The following CRYBA4 variants were observed in gnomAD, a reference collection of about 807,000 sequenced individuals.
CRYBA4 encodes the protein crystallin beta A4.
In CRYBA4, 30 loss-of-function variants were observed where a neutral mutation model predicts 31.7. The observed-to-expected ratio is 0.95, with a 90% CI of 0.71 to 1.28. CRYBA4 has a LOEUF of 1.28. Among genes scored for constraint, CRYBA4 ranks in the 50% most tolerant of loss-of-function variants. The pLI is 0.00. For missense variants in CRYBA4, 225 were observed against 260.7 expected, an observed-to-expected ratio of 0.86 and a Z score of 0.94; for synonymous variants, 102 against 102.3, an observed-to-expected ratio of 1.00 and a Z score of 0.02.
intron 5 of CRYBA4, among the ~76,000 whole-genome samples, chr22:26,629,734 C>CAAAAAAACA: frequency 1.2e-5 from 1 of 80,600 alleles, no homozygotes; most frequent in Non-Finnish European, 2.6e-5. Context: ...GACTCTGTCT[C>CAAAAAAACA]AAAAAAAAAA....
At chr22:26,595,288 CCT>C in the CRYBA4 span, among the ~76,000 whole-genome samples, 1 of 152,052 alleles carries the variant, frequency 6.6e-6, no homozygotes, top group Non-Finnish European at 1.5e-5. Context: ...TTTTAAAATG[CCT>C]GTGAGGCCAG....
At chr22:26,591,571 T>A in the CRYBA4 span, among the ~76,000 whole-genome samples, 1 of 151,110 alleles carries the variant, frequency 6.6e-6, no homozygotes, top group Admixed American at 6.6e-5. Context: ...TGAAACCCTG[T>A]TTCTACTAAA....
chr22:26,608,035 G>T, the CRYBA4 span: 5 of 1,614,118 alleles, frequency 3.1e-6, no homozygotes, highest in Non-Finnish European at 4.2e-6. Context: ...GATACAAGAA[G>T]GACCATGAGG....
chr22:26,630,525 C>CGGG lies in CRYBA4; in HGVS notation c.*38_*39insGGG, dbSNP rs1345402242. 2 of 1,588,184 alleles carry CGGG rather than the reference C, an allele frequency of 1.3e-6. No individual in the cohort carries two copies. The highest frequency in any genetic ancestry group is 2.7e-5 in the African/African-American group (2 of 74,608). ...CACGGAGGAGCGCATGCGTGCTTAT[C>CGGG]TGCAATGGAGGCGCTCTGGAGGCTG... On this transcript the variant is annotated 3_prime_UTR_variant, in exon 6 of 6. Coordinates refer to ENST00000354760, the MANE Select transcript of CRYBA4 (RefSeq NM_001886.3).
Position 26,624,363 on chromosome 22 carries a change from G to A in CRYBA4, c.158+1011G>A, listed in dbSNP as rs149406069. Among the ~76,000 whole-genome samples, 591 of 151,792 alleles carry A rather than the reference G, an allele frequency of 3.9e-3. 1 individual carries two copies. Among genetic ancestry groups the A allele is most frequent in the Non-Finnish European group, 7.0e-3 (477 of 67,908 alleles). On this transcript the variant is annotated intron_variant, in intron 3 of 5. Coordinates refer to ENST00000354760, the MANE Select transcript of CRYBA4 (RefSeq NM_001886.3). The stretch of plus-strand genomic sequence containing the variant: ...AGAAGGTTGGAAAGTAGCTAGAAAG[G>A]CAATGTGGCCAGTAGCTACCATATT...
At chr22:26,625,458 C>A (rs1441651390) in intron 3 of CRYBA4, 23 bp from the exon 4 acceptor site, 1 of 1,613,156 alleles carries the variant, frequency 6.2e-7, no homozygotes, top group South Asian at 1.1e-5. Context: ...TTACCTCCTG[C>A]ACACTCTACC....
At chr22:26,603,300 CAGGT>C in the CRYBA4 span, among the ~76,000 whole-genome samples, 4 of 151,112 alleles carry the variant, frequency 2.6e-5, no homozygotes, top group African/African-American at 9.7e-5. Flanking sequence ...GAGGCCGAGA[CAGGT>C]AGATCACCTG....
chr22:26,594,709 A>G, the CRYBA4 span, among the ~76,000 whole-genome samples: 1 of 152,182 alleles, frequency 6.6e-6, no homozygotes, highest in African/African-American at 2.4e-5. Flanking sequence ...AACAAAAAAC[A>G]AAAACCAAAA....
the CRYBA4 span, among the ~76,000 whole-genome samples, chr22:26,610,565 G>A: frequency 2.0e-5 from 3 of 152,200 alleles, no homozygotes; most frequent in Non-Finnish European, 4.4e-5. Context: ...GGGTTTTGGG[G>A]CTGAGGGTGG....
At chr22:26,621,444 G>A (rs1165073863), upstream of CRYBA4, among the ~76,000 whole-genome samples, 1 of 152,168 alleles carries the variant, frequency 6.6e-6, no homozygotes, top group Non-Finnish European at 1.5e-5. Context: ...ATCCTTCAGA[G>A]TCTAGTTCAA....
chr22:26,624,485 A>C (rs1443823425), intron 3 of CRYBA4, among the ~76,000 whole-genome samples: 2 of 152,224 alleles, frequency 1.3e-5, no homozygotes, highest in African/African-American at 4.8e-5. Flanking sequence ...TGGAAAGTAG[A>C]TAGGAGATTT....
the CRYBA4 span, chr22:26,607,781 C>G: frequency 2.0e-6 from 3 of 1,485,888 alleles, no homozygotes; most frequent in Admixed American, 1.7e-5. Flanking sequence ...GAGGCTGCCA[C>G]GCCTCCCTAC....
chr22:26,622,647 C>T lies in CRYBA4; in HGVS notation c.39+12C>T. On this transcript the variant is annotated intron_variant, in intron 2 of 5. Coordinates refer to ENST00000354760, the MANE Select transcript of CRYBA4 (RefSeq NM_001886.3). ...CGGGACCCTGGAAGGTAGGAAGAGG[C>T]ATGGGGAGGGGGTGTTCAGGGGGTA... 1.3e-6 allele frequency: 2 copies of T among 1,554,748 alleles called. No individual in the cohort carries two copies. The highest frequency in any genetic ancestry group is 1.8e-6 in the Non-Finnish European group (2 of 1,129,024).
At chr22:26,605,399 C>T in the CRYBA4 span, among the ~76,000 whole-genome samples, 3 of 152,140 alleles carry the variant, frequency 2.0e-5, no homozygotes, top group African/African-American at 4.8e-5. Flanking sequence ...ACTGGTTGGG[C>T]GCACTGGCTC....
the CRYBA4 span, chr22:26,601,929 C>A: frequency 6.8e-6 from 11 of 1,612,974 alleles, no homozygotes; most frequent in Non-Finnish European, 9.3e-6. Flanking sequence ...AGCCGTAGAC[C>A]CAGAGACTGG....
chr22:26,599,481 G>T, the CRYBA4 span: 1 of 1,608,912 alleles, frequency 6.2e-7, no homozygotes, highest in Non-Finnish European at 8.5e-7. Flanking sequence ...AGCAGAGTGA[G>T]GTGTGGACTC....
At chr22:26,592,943 G>T in the CRYBA4 span, among the ~76,000 whole-genome samples, 15 of 152,262 alleles carry the variant, frequency 9.9e-5, no homozygotes, top group East Asian at 2.5e-3. Context: ...TGTTGTCTAG[G>T]TTGGGACTTC....
At chr22:26,613,124 C>T in the CRYBA4 span, among the ~76,000 whole-genome samples, 1 of 152,224 alleles carries the variant, frequency 6.6e-6, no homozygotes, top group Non-Finnish European at 1.5e-5. Context: ...GCTCAGGAGA[C>T]ACTTGCAAAT....
At chr22:26,624,011 C>T (rs1929626436) in intron 3 of CRYBA4, among the ~76,000 whole-genome samples, 1 of 152,214 alleles carries the variant, frequency 6.6e-6, no homozygotes, top group South Asian at 2.1e-4. Context: ...CTTGTTTAAT[C>T]TTAATTTATT....
Sources: gnomAD v4.1 joint callset for allele counts (sites outside exome capture counted in the v4.1 genomes callset) on GRCh38, gnomAD v4.1.1 for gene constraint, MANE v1.5 for transcripts, NCBI Gene and HGNC (gene_info 2026-07-23, HGNC 2026-07-21) for gene names.